The following HDAC9 variants were observed in gnomAD, a reference collection of about 807,000 sequenced individuals.
HDAC9 encodes histone deacetylase 9.
In HDAC9, 41 loss-of-function variants were observed where a neutral mutation model predicts 139.4. The ratio of observed to expected loss-of-function variants is 0.29; its 90% CI spans 0.23 to 0.38. HDAC9 has a LOEUF of 0.38. HDAC9 is among the 10% of genes least tolerant of loss of function. The pLI is 1.00. For synonymous variants in HDAC9, 517 were observed against 476.2 expected (o/e 1.09, Z -1.12); for missense variants, 1,147 against 1,297.0 (o/e 0.88, Z 1.78).
intron 1 of HDAC9, among the ~76,000 whole-genome samples, chr7:18,329,320 A>C (rs1800720294): frequency 6.6e-6 from 1 of 151,732 alleles, no homozygotes; most frequent in Admixed American, 6.6e-5. Context: ...TAACGTTCTC[A>C]CCACAAAATA....
At chr7:18,521,425 C>T (rs944856086) in intron 2 of HDAC9, among the ~76,000 whole-genome samples, 3 of 152,108 alleles carry the variant, frequency 2.0e-5, no homozygotes, top group Admixed American at 6.6e-5. Flanking sequence ...AGATGCCTTG[C>T]GATTTGTCAC....
chr7:18,219,052 G>A (rs1792506944), intron 2 of HDAC9, among the ~76,000 whole-genome samples: 1 of 152,032 alleles, frequency 6.6e-6, no homozygotes, highest in Admixed American at 6.6e-5. Context: ...AACTTCTTAT[G>A]TGCTTTTCAA....
rs1029322619 is a variant in HDAC9, at chr7:18,998,544, A to G, written c.*2482A>G. 42 of 152,248 alleles carry G rather than the reference A, an allele frequency of 2.8e-4. No homozygotes were observed. Among genetic ancestry groups the G allele is most frequent in the African/African-American group, 8.9e-4 (37 of 41,466 alleles). The allele number at this position is 152,248 out of a possible 1,614,324, so 9.4% of individuals were successfully genotyped here. ...AACAGAATGCCATTGCTTTTTGATT[A>G]TACCATTACAAGATGGAGCATAGCC... is the stretch of plus-strand genomic sequence containing the variant. On this transcript the variant is annotated 3_prime_UTR_variant, in exon 26 of 26. Coordinates refer to ENST00000686413, the MANE Select transcript of HDAC9 (RefSeq NM_178425.4).
chr7:18,919,120 C>T (rs1440961914), intron 22 of HDAC9, among the ~76,000 whole-genome samples: 1 of 152,054 alleles, frequency 6.6e-6, no homozygotes, highest in African/African-American at 2.4e-5. Flanking sequence ...ATAGCCAATG[C>T]ACTTCAAGGA....
intron 22 of HDAC9, among the ~76,000 whole-genome samples, chr7:18,900,031 A>G (rs1749272947): frequency 6.6e-6 from 1 of 152,128 alleles, no homozygotes; most frequent in African/African-American, 2.4e-5. Flanking sequence ...TTAAAAAAAA[A>G]TGAACTGGTC....
At chr7:18,351,065 C>T (rs968140756) in intron 1 of HDAC9, among the ~76,000 whole-genome samples, 4 of 152,156 alleles carry the variant, frequency 2.6e-5, no homozygotes, top group African/African-American at 9.7e-5. Flanking sequence ...CCTCTTAACT[C>T]CTTTTTTTCC....
intron 13 of HDAC9, among the ~76,000 whole-genome samples, chr7:18,747,061 G>C (rs1270983395): frequency 6.6e-6 from 1 of 152,176 alleles, no homozygotes; most frequent in Admixed American, 6.5e-5. Flanking sequence ...AGAGGGAATA[G>C]CATGTATAAA....
intron 1 of HDAC9, among the ~76,000 whole-genome samples, chr7:18,316,139 T>C (rs1321781536): frequency 6.6e-6 from 1 of 152,190 alleles, no homozygotes; most frequent in Non-Finnish European, 1.5e-5. Context: ...ATGCAGACAC[T>C]GATTCATTTT....
At chr7:18,794,014 G>T (rs939330499) in intron 17 of HDAC9, among the ~76,000 whole-genome samples, 1 of 152,018 alleles carries the variant, frequency 6.6e-6, no homozygotes, top group Non-Finnish European at 1.5e-5. Context: ...TTTCTACATC[G>T]TATGAAAAGA....
At chr7:18,549,872 C>T (rs1816526216) in intron 2 of HDAC9, among the ~76,000 whole-genome samples, 1 of 151,180 alleles carries the variant, frequency 6.6e-6, no homozygotes, top group South Asian at 2.1e-4. Context: ...TTTATTCTTT[C>T]CAAAATCATT....
At chr7:18,561,375 A>G (rs1241784459) in intron 2 of HDAC9, among the ~76,000 whole-genome samples, 1 of 152,174 alleles carries the variant, frequency 6.6e-6, no homozygotes, top group Non-Finnish European at 1.5e-5. Flanking sequence ...TTTGTTCTGT[A>G]TATTAACCTT....
chr7:18,221,740 A>G (rs542296824), intron 2 of HDAC9, among the ~76,000 whole-genome samples: 2 of 152,152 alleles, frequency 1.3e-5, no homozygotes, highest in South Asian at 4.1e-4. Context: ...CCTTAGAGAT[A>G]GGGAAGTTAG....
At chr7:18,923,578 A>G (rs572652215) in intron 22 of HDAC9, among the ~76,000 whole-genome samples, 7 of 152,038 alleles carry the variant, frequency 4.6e-5, no homozygotes, top group East Asian at 1.9e-4. Context: ...CAATTCCACA[A>G]TCTTGTCATC....
intron 2 of HDAC9, among the ~76,000 whole-genome samples, chr7:18,576,001 T>C (rs900669397): frequency 1.3e-5 from 2 of 152,126 alleles, no homozygotes; most frequent in African/African-American, 4.8e-5. Flanking sequence ...ATGGGAAAAT[T>C]AAATAAAACT....
intron 2 of HDAC9, among the ~76,000 whole-genome samples, chr7:18,531,549 C>A (rs1214695602): frequency 2.0e-5 from 3 of 151,790 alleles, no homozygotes; most frequent in Non-Finnish European, 4.4e-5. Flanking sequence ...TATAAAAAGT[C>A]ATTTTTCCCC....
chr7:18,666,575 G>T, intron 12 of HDAC9, 99 bp downstream of exon 12: 1 of 1,509,016 alleles, frequency 6.6e-7, no homozygotes, highest in Non-Finnish European at 8.9e-7. Flanking sequence ...TTTCCTATCA[G>T]TTTATATTTC....
chr7:18,702,593 A>T (rs1783578838), intron 12 of HDAC9, among the ~76,000 whole-genome samples: 1 of 152,198 alleles, frequency 6.6e-6, no homozygotes, highest in Admixed American at 6.5e-5. Flanking sequence ...GAACCCAGGG[A>T]CAAGCTAATT....
intron 1 of HDAC9, among the ~76,000 whole-genome samples, chr7:18,336,891 T>C (rs1388192994): frequency 2.0e-5 from 3 of 151,638 alleles, no homozygotes; most frequent in Non-Finnish European, 4.4e-5. Context: ...TTTACATGCC[T>C]AAGTTTGTAA....
At chr7:18,668,689 A>G (rs1297452549) in intron 12 of HDAC9, 1 of 976,698 alleles carries the variant, frequency 1.0e-6, no homozygotes, top group Non-Finnish European at 1.2e-6. Flanking sequence ...GAATTAATTG[A>G]TAAATGTCTC....
Sources: gnomAD v4.1 joint callset for allele counts (sites outside exome capture counted in the v4.1 genomes callset) on GRCh38, gnomAD v4.1.1 for gene constraint, MANE v1.5 for transcripts, NCBI Gene and HGNC (gene_info 2026-07-23, HGNC 2026-07-21) for gene names.